The following FAM120A variants were observed in gnomAD, a reference collection of about 807,000 sequenced individuals.
FAM120A encodes family with sequence similarity 120 member A, also known as constitutive coactivator of PPAR-gamma-like protein 1.
FAM120A carries 15 observed loss-of-function variants against 109.7 expected under a neutral mutation model. That is an observed-to-expected ratio of 0.14 (90% confidence interval 0.09 to 0.21). The LOEUF (loss-of-function observed/expected upper bound fraction) is 0.21, where lower values mean the gene tolerates loss of function less well. Among genes scored for constraint, FAM120A ranks in the 10% least tolerant of loss-of-function variants. The probability of loss-of-function intolerance (pLI) is 1.00; values close to 1 mark genes in which losing one functional copy is unlikely to be tolerated. For missense variants in FAM120A, 899 were observed against 1,439.3 expected, an observed-to-expected ratio of 0.62 and a Z score of 6.07; for synonymous variants, 493 against 572.8, an observed-to-expected ratio of 0.86 and a Z score of 1.99.
intron 3 of FAM120A, among the ~76,000 whole-genome samples, chr9:93,492,465 G>A (rs1859369460): frequency 6.6e-6 from 1 of 152,126 alleles, no homozygotes; most frequent in African/African-American, 2.4e-5. Flanking sequence ...GCAGGGGTGG[G>A]GTTTGTTGAT....
rs777733954 is a variant in FAM120A at position 93,476,233 on chromosome 9, T to C, written c.722-23T>C. The stretch of plus-strand genomic sequence containing the variant: ...ATGTTACTTAAGATGATTGCTTTTA[T>C]GTTATCCATGTTTATATTCCAGGAA... On this transcript the variant is annotated intron_variant, in intron 2 of 17. Coordinates refer to ENST00000277165, the MANE Select transcript of FAM120A (RefSeq NM_014612.5). The C allele has an allele frequency of 4.0e-6, 6 of 1,514,908 alleles. No homozygotes were observed. In the East Asian group the frequency reaches 1.1e-4, roughly 29 times the overall value. 93.8% of individuals were successfully genotyped at this position (1,514,908 alleles called of 1,614,324 possible).
intron 1 of FAM120A, among the ~76,000 whole-genome samples, chr9:93,464,876 A>G (rs1341012971): frequency 6.6e-6 from 1 of 152,260 alleles, no homozygotes; most frequent in African/African-American, 2.4e-5. Context: ...GAGGGGGTTC[A>G]AAATCAAATA....
At chr9:93,460,263 C>G (rs1857730627) in intron 1 of FAM120A, among the ~76,000 whole-genome samples, 1 of 152,178 alleles carries the variant, frequency 6.6e-6, no homozygotes, top group Non-Finnish European at 1.5e-5. Context: ...CTAAATAAAA[C>G]AGGCATTTAA....
chr9:93,531,356 A>G (rs888765120), intron 9 of FAM120A: 2 of 152,254 alleles, frequency 1.3e-5, no homozygotes, highest in Non-Finnish European at 2.9e-5. Context: ...CATTGAGGTC[A>G]TAAATGCATT....
At chr9:93,551,183 C>T (rs1368797863) in intron 12 of FAM120A, among the ~76,000 whole-genome samples, 10 of 152,154 alleles carry the variant, frequency 6.6e-5, no homozygotes, top group East Asian at 1.9e-4. Context: ...ACTTGAAGAA[C>T]GATGTTACAT....
At position 93,451,865 on chromosome 9, in the gene FAM120A, C is replaced by G; in HGVS notation, c.-51C>G. 2.8e-6 allele frequency: 3 copies of G among 1,067,242 alleles called. No individual in the cohort carries two copies. Among genetic ancestry groups the G allele is most frequent in the Middle Eastern group, 4.1e-4 (1 of 2,436 alleles). The allele number at this position is 1,067,242 out of a possible 1,614,324, so 66.1% of individuals were successfully genotyped here. On this transcript the variant is annotated 5_prime_UTR_variant, in exon 1 of 18. Transcript: ENST00000277165. The stretch of plus-strand genomic sequence containing the variant: ...CCCGCGCGCCACGGCCCCACCACCC[C>G]CGGCCCCGCCGCCCCCCGCCCGCAC...
Position 93,556,482 on chromosome 9 carries a change from C to T in FAM120A, c.2375C>T (p.Pro792Leu). 4 of 1,614,196 alleles carry T rather than the reference C, an allele frequency of 2.5e-6. No homozygotes were observed. The highest frequency in any genetic ancestry group is 2.7e-5 in the African/African-American group (2 of 75,048). The change falls in exon 13 of 18, where the codon CCC becomes CTC. Residue 792 changes from proline (P) to leucine (L), a missense_variant. Pro to Leu is a moderately conservative substitution (Grantham distance 98, BLOSUM62 -3). Coordinates refer to ENST00000277165, the MANE Select transcript of FAM120A (RefSeq NM_014612.5). ...FANDACGQPIPWEHCCPWMYF... is the reference protein window; with the variant it reads ...FANDACGQPILWEHCCPWMYF... ...AATGATGCATGCGGACAGCCAATCC[C>T]CTGGGAACACTGTTGTCCTTGGATG...
Position 93,527,229 on chromosome 9 carries a change from G to A in FAM120A, c.1493G>A (p.Gly498Glu), listed in dbSNP as rs1312275929. ...HSEPQARGDP[G>E]DQTKAEGSST... ...GAGCCTCAGGCACGAGGAGACCCAG[G>A]AGACCAAACAAAGGTAGAAAGTCTA... Residue 498 changes from glycine to glutamate, a missense_variant, in exon 8 of 18, where the codon GGA becomes GAA. Physicochemically the swap from Gly to Glu is moderately conservative, Grantham distance 98. Around this residue, in one of 11 missense-constraint regions of FAM120A, gnomAD observed 57 missense variants for 52.9 expected, o/e 1.08. Transcript: ENST00000277165. The A allele has an allele frequency of 1.9e-6, 3 of 1,614,102 alleles. No homozygotes were observed. Among genetic ancestry groups the A allele is most frequent in the Admixed American group, 3.3e-5 (2 of 60,022 alleles).
At chr9:93,501,653 A>G (rs926913615) in intron 5 of FAM120A, among the ~76,000 whole-genome samples, 3 of 152,182 alleles carry the variant, frequency 2.0e-5, no homozygotes, top group African/African-American at 7.2e-5. Flanking sequence ...CAGGCACAGA[A>G]TGACAGCCAG....
intron 3 of FAM120A, among the ~76,000 whole-genome samples, chr9:93,493,742 C>A (rs566700999): frequency 6.6e-6 from 1 of 152,352 alleles, no homozygotes; most frequent in African/African-American, 2.4e-5. Flanking sequence ...GGCCCAGTGT[C>A]CTCCTGGGGG....
chr9:93,523,289 A>G (rs1479967690), intron 7 of FAM120A: 3 of 1,287,940 alleles, frequency 2.3e-6, no homozygotes, highest in Non-Finnish European at 3.0e-6. Context: ...GGCCTTTCCA[A>G]CTCTACTTGC....
chr9:93,525,482 G>A (rs899325079), intron 7 of FAM120A, among the ~76,000 whole-genome samples: 11 of 152,204 alleles, frequency 7.2e-5, no homozygotes, highest in African/African-American at 2.2e-4. Flanking sequence ...TTCCACATGA[G>A]CCTTTAAGCT....
intron 11 of FAM120A, among the ~76,000 whole-genome samples, chr9:93,544,516 T>A (rs1404290124): frequency 6.6e-6 from 1 of 152,228 alleles, no homozygotes; most frequent in Non-Finnish European, 1.5e-5. Flanking sequence ...TGGAGTTGAT[T>A]CGTTTGGTTT....
chr9:93,512,244 T>C (rs1320579343), intron 5 of FAM120A, among the ~76,000 whole-genome samples: 1 of 152,256 alleles, frequency 6.6e-6, no homozygotes, highest in Non-Finnish European at 1.5e-5. Context: ...ACTGTAGTTC[T>C]AAGAAGAGGT....
chr9:93,471,294 A>C lies in FAM120A; in HGVS notation c.628A>C (p.Lys210Gln), dbSNP rs1345941643. 3 of 1,614,194 alleles carry C rather than the reference A, an allele frequency of 1.9e-6. No homozygotes were observed. The change falls in exon 2 of 18, where the codon AAA becomes CAA. Residue 210 changes from lysine to glutamine, a missense_variant. Transcript: ENST00000277165. The stretch of plus-strand genomic sequence containing the variant: ...TGCCCTAAAACTGAGCCGGAACGGG[A>C]AAAGTCTCACCACAAGCCAATATCT... ...AHALKLSRNG[K>Q]SLTTSQYLMH...
intron 14 of FAM120A, 106 bp downstream of exon 14, chr9:93,558,116 T>C (rs2131564289): frequency 8.2e-7 from 1 of 1,216,706 alleles, no homozygotes; most frequent in Middle Eastern, 2.9e-4. Context: ...CTTGTCACTG[T>C]TGGTCTTGGA....
chr9:93,554,120 T>TACACACAC (rs10672125), intron 12 of FAM120A, among the ~76,000 whole-genome samples: 6,636 of 87,258 alleles, frequency 0.076, 829 homozygotes, highest in South Asian at 0.093. Context: ...GGCCATTTGA[T>TACACACAC]ACACACACAC....
At chr9:93,555,184 A>AT (rs147839793) in intron 12 of FAM120A, among the ~76,000 whole-genome samples, 4,548 of 152,230 alleles carry the variant, frequency 0.03, 110 homozygotes, top group African/African-American at 0.051. Context: ...CCAAGGGAAC[A>AT]TTTTTTAGTT....
rs1304528943 is a variant in FAM120A at position 93,498,793 on chromosome 9, A to G, written c.937A>G (p.Arg313Gly). 6.2e-7 allele frequency: 1 copy of G among 1,600,968 alleles called. No homozygotes were observed. The highest frequency in any genetic ancestry group is 1.7e-5 in the Admixed American group (1 of 60,004). The change falls in exon 5 of 18, where the codon AGA becomes GGA. Residue 313 changes from arginine (R) to glycine (G), a missense_variant. Physicochemically the swap from Arg to Gly is moderately radical, Grantham distance 125. Around this residue, in one of 11 missense-constraint regions of FAM120A, gnomAD observed 258 missense variants for 451.4 expected, o/e 0.57. Coordinates refer to ENST00000277165, the MANE Select transcript of FAM120A (RefSeq NM_014612.5). This position sits in a 1 kb window ranked among gnomAD's most constrained non-coding sequence, Gnocchi z 4.4. Reference protein sequence around the residue: ...AKDVFQHSQSRTDDKVIRFKR... With the variant: ...AKDVFQHSQSGTDDKVIRFKR... Reference sequence around the variant, plus strand: ...GGTTTTCCTGCCTTTATTTCAGTCTAGAACAGATGACAAAGTTATTCGATT... The same window carrying G: ...GGTTTTCCTGCCTTTATTTCAGTCTGGAACAGATGACAAAGTTATTCGATT...
Sources: gnomAD v4.1 joint callset for allele counts (sites outside exome capture counted in the v4.1 genomes callset) on GRCh38, gnomAD v4.1.1 for gene constraint, gnomAD v4.1.1 regional missense constraint, Gnocchi (gnomAD v3.1) non-coding constraint, MANE v1.5 for transcripts, NCBI Gene and HGNC (gene_info 2026-07-23, HGNC 2026-07-21) for gene names.